Variants in ANKRD30A observed in about 807,000 individuals in gnomAD.
The protein encoded by ANKRD30A is ankyrin repeat domain-containing protein 30A.
A neutral mutation model predicts 166.3 loss-of-function variants in ANKRD30A; 170 were observed. The ratio of observed to expected loss-of-function variants is 1.02; its 90% CI spans 0.90 to 1.16. The LOEUF is 1.16. Among genes scored for constraint, ANKRD30A ranks in the 50% most tolerant of loss-of-function variants. ANKRD30A has a pLI of 0.00. For missense variants in ANKRD30A, 1,630 were observed against 1,518.0 expected, an observed-to-expected ratio of 1.07 and a Z score of -1.23; for synonymous variants, 564 against 508.9, an observed-to-expected ratio of 1.11 and a Z score of -1.46.
intron 11 of ANKRD30A, among the ~76,000 whole-genome samples, chr10:37,151,117 C>T (rs1322979739): frequency 6.6e-6 from 1 of 151,184 alleles, no homozygotes. Flanking sequence ...TGATGGATGT[C>T]AAATGAGAAA....
chr10:37,127,180 C>G (rs1174430671), intron 1 of ANKRD30A, among the ~76,000 whole-genome samples: 6 of 148,744 alleles, frequency 4.0e-5, no homozygotes, highest in South Asian at 4.4e-4. Flanking sequence ...GAATTTAGAA[C>G]TTGGTAATGG....
intron 6 of ANKRD30A, 49 bp downstream of exon 6, chr10:37,136,720 A>G: frequency 9.0e-7 from 1 of 1,107,826 alleles, no homozygotes; most frequent in Non-Finnish European, 1.3e-6. Flanking sequence ...TCATAAGATT[A>G]TGGAAGTGTT....
chr10:37,216,446 C>A (rs781216306), intron 32 of ANKRD30A, 52 bp downstream of exon 32: 1 of 1,481,342 alleles, frequency 6.8e-7, no homozygotes, highest in Admixed American at 2.2e-5. Flanking sequence ...ACTAAAACTA[C>A]GTAGGATACT....
chr10:37,256,142 C>T, the ANKRD30A span, among the ~76,000 whole-genome samples: 1 of 152,282 alleles, frequency 6.6e-6, no homozygotes, highest in East Asian at 1.9e-4. Flanking sequence ...TTCCATCATA[C>T]CATTCTGACC....
the ANKRD30A span, among the ~76,000 whole-genome samples, chr10:37,258,291 A>G: frequency 3.3e-3 from 504 of 152,338 alleles, 4 homozygotes; most frequent in Non-Finnish European, 2.8e-3. Flanking sequence ...TTGACAAGCT[A>G]ATTTTAAATG....
chr10:37,141,869 A>T lies in ANKRD30A; in HGVS notation c.972A>T (p.Thr324=), dbSNP rs781444410. 1.2e-6 allele frequency: 2 copies of T among 1,607,472 alleles called. No homozygotes were observed. Among genetic ancestry groups the T allele is most frequent in the East Asian group, 4.5e-5 (2 of 44,730 alleles). ...PDTAESLVEK[T]PDEAASLVEG... is the part of the protein sequence containing the mutation. The stretch of plus-strand genomic sequence containing the variant: ...CGGCTGAAAGCTTGGTGGAAAAAAC[A>T]CCTGATGAGGCTGCATCCTTGGTGG... Residue 324 remains threonine, a synonymous_variant, in exon 7 of 36, where the codon ACA becomes ACT. Transcript: ENST00000361713.
At chr10:37,195,780 T>C (rs1236670896) in intron 27 of ANKRD30A, among the ~76,000 whole-genome samples, 2 of 152,054 alleles carry the variant, frequency 1.3e-5, no homozygotes, top group African/African-American at 4.8e-5. Context: ...TCTAATAATT[T>C]CTCAGGCGAT....
At chr10:37,235,501 A>G (rs1419904911), downstream of ANKRD30A, among the ~76,000 whole-genome samples, 1 of 152,206 alleles carries the variant, frequency 6.6e-6, no homozygotes, top group Non-Finnish European at 1.5e-5. Context: ...AGTACTCCTT[A>G]AAATAGAGAA....
chr10:37,150,541 A>ATG (rs1338962521), intron 11 of ANKRD30A, among the ~76,000 whole-genome samples: 56 of 152,236 alleles, frequency 3.7e-4, no homozygotes, highest in African/African-American at 1.3e-3. Flanking sequence ...ATTTTACAAC[A>ATG]TGTGTGCGTG....
chr10:37,142,877 C>T (rs2132536055), intron 7 of ANKRD30A, among the ~76,000 whole-genome samples: 1 of 152,180 alleles, frequency 6.6e-6, no homozygotes, highest in Middle Eastern at 3.4e-3. Context: ...ACCACTGTGC[C>T]CAGCCAGGAT....
intron 6 of ANKRD30A, among the ~76,000 whole-genome samples, chr10:37,139,460 G>A (rs779934169): frequency 6.6e-6 from 1 of 152,176 alleles, no homozygotes; most frequent in South Asian, 2.1e-4. Flanking sequence ...TCCTGCCCAT[G>A]GGTGATCAAA....
chr10:37,162,843 G>A lies in ANKRD30A; in HGVS notation c.1997G>A (p.Arg666Lys). Residue 666 changes from arginine to lysine, a missense_variant, in exon 17 of 36, where the codon AGA becomes AAA. Arg to Lys is a conservative substitution (Grantham distance 26, BLOSUM62 2). This residue lies in a region of ANKRD30A where 904 missense variants were observed against 818.5 expected (regional missense o/e 1.10). Coordinates refer to ENST00000361713, the MANE Select transcript of ANKRD30A (RefSeq NM_052997.3). ...GAATTGAAAAATGAACAAACATTGAGAGCAGGTAAATTTTTCAATGTAACT... is the reference window on the plus strand; with the variant it reads ...GAATTGAAAAATGAACAAACATTGAAAGCAGGTAAATTTTTCAATGTAACT... ...ALELKNEQTL[R>K]ADEILPSESK... The A allele has an allele frequency of 1.2e-6, 2 of 1,613,172 alleles. No homozygotes were observed. Among genetic ancestry groups the A allele is most frequent in the Non-Finnish European group, 1.7e-6 (2 of 1,179,576 alleles).
rs1435271059 is a variant in ANKRD30A at position 37,219,496 on chromosome 10, AG to A, written c.3785del (p.Ser1262ThrfsTer2). ...PLSEAQRKSKSLKINLNYAGD... is the reference protein window; with the variant it reads ...PLSEAQRKSKXLKINLNYAGD... ...TTCTGAAGCTCAAAGGAAATCCAAA[AG>A]CCTAAAAATTAATCTCAATTATGCA... On this transcript the variant is annotated frameshift_variant, in exon 34 of 36. Transcript: ENST00000361713. LOFTEE classifies it high-confidence loss of function. The A allele has an allele frequency of 6.2e-7, 1 of 1,610,236 alleles. No individual in the cohort carries two copies. Among genetic ancestry groups the A allele is most frequent in the African/African-American group, 1.3e-5 (1 of 74,638 alleles).
At chr10:37,201,097 TA>T in intron 30 of ANKRD30A, 137 bp from the exon 31 acceptor site, 1 of 543,362 alleles carries the variant, frequency 1.8e-6, no homozygotes, top group South Asian at 2.6e-5. Context: ...TGTTTTTTTT[TA>T]TACGTGTCTG....
At position 37,162,840 on chromosome 10, in the gene ANKRD30A, T is replaced by G. The variant is rs41276130; in HGVS notation, c.1994T>G (p.Leu665Trp). The G allele has an allele frequency of 0.083, 133,756 of 1,612,874 alleles. 6,259 individuals carry two copies. The highest frequency in any genetic ancestry group is 0.095 in the Non-Finnish European group (112,604 of 1,179,266). Residue 665 changes from leucine to tryptophan, a missense_variant, in exon 17 of 36, where the codon TTG becomes TGG. Transcript: ENST00000361713. ...TTGGAATTGAAAAATGAACAAACAT[T>G]GAGAGCAGGTAAATTTTTCAATGTA... ...KALELKNEQTLRADEILPSES... is the reference protein window; with the variant it reads ...KALELKNEQTWRADEILPSES...
intron 17 of ANKRD30A, among the ~76,000 whole-genome samples, chr10:37,164,584 A>C (rs1353260339): frequency 6.6e-6 from 1 of 152,158 alleles, no homozygotes; most frequent in Non-Finnish European, 1.5e-5. Flanking sequence ...GTCATAGCAT[A>C]CGGAAATGTA....
rs560403810 is a variant in ANKRD30A, at chr10:37,226,525, T to C, written c.4186-4936T>C. Among the ~76,000 whole-genome samples, 3 of 151,886 alleles carry C rather than the reference T, an allele frequency of 2.0e-5. No homozygotes were observed. In the East Asian group the frequency reaches 5.9e-4, roughly 30 times the overall value. On this transcript the variant is annotated intron_variant, in intron 34 of 35. Transcript: ENST00000361713. ...CTCTGTTGCAGCAAGTATCAGCACTTAATTTCTTCTTACTGCTGAGTATAT... is the reference window on the plus strand; with the variant it reads ...CTCTGTTGCAGCAAGTATCAGCACTCAATTTCTTCTTACTGCTGAGTATAT...
In ANKRD30A at chr10:37,154,531, A is replaced by G. The variant is rs1382103126; in HGVS notation, c.1798+869A>G. On this transcript the variant is annotated intron_variant, in intron 13 of 35. Coordinates refer to ENST00000361713, the MANE Select transcript of ANKRD30A (RefSeq NM_052997.3). Reference sequence around the variant, plus strand: ...TGTTCTCAATTTTGAGGATGTTTTTAGTCAGGGGAGAAGAAGAAAGGGGCA... The same window carrying G: ...TGTTCTCAATTTTGAGGATGTTTTTGGTCAGGGGAGAAGAAGAAAGGGGCA... Among the ~76,000 whole-genome samples the G allele has an allele frequency of 3.3e-5, 5 of 152,160 alleles. No homozygotes were observed. The East Asian group carries it at 9.6e-4, about 29-fold the overall frequency.
chr10:37,165,429 G>A (rs549273977), intron 18 of ANKRD30A, among the ~76,000 whole-genome samples: 1 of 152,210 alleles, frequency 6.6e-6, no homozygotes. Flanking sequence ...ATGGGATCTG[G>A]AGTACGTTTG....
Sources: allele counts gnomAD v4.1 joint callset (sites outside exome capture counted in the v4.1 genomes callset), GRCh38; gene constraint gnomAD v4.1.1; regional missense constraint gnomAD v4.1.1; transcripts MANE v1.5; gene names NCBI Gene and HGNC (gene_info 2026-07-23, HGNC 2026-07-21).